SLC35F4: variants seen among roughly 807,000 people sequenced by gnomAD.
SLC35F4 encodes the protein chromosome 14 open reading frame 36.
SLC35F4 carries 24 observed loss-of-function variants against 44.2 expected under a neutral mutation model. The observed-to-expected ratio is 0.54, with a 90% CI of 0.39 to 0.76. The LOEUF (loss-of-function observed/expected upper bound fraction) is 0.76. SLC35F4 is among the 30% of genes least tolerant of loss of function. The probability of loss-of-function intolerance (pLI) is 0.00; values close to 1 mark genes in which losing one functional copy is unlikely to be tolerated. For missense variants in SLC35F4, 562 were observed against 586.1 expected (o/e 0.96, Z 0.42); for synonymous variants, 238 against 223.6 (o/e 1.06, Z -0.57).
intron 1 of SLC35F4, among the ~76,000 whole-genome samples, chr14:57,953,874 A>C (rs543808556): frequency 6.6e-6 from 1 of 152,336 alleles, no homozygotes; most frequent in South Asian, 2.1e-4. Flanking sequence ...TCAATGAGAC[A>C]GAAAATTAAC....
At chr14:57,768,749 G>GT (rs148818868) in intron 1 of SLC35F4, among the ~76,000 whole-genome samples, 5,339 of 147,086 alleles carry the variant, frequency 0.036, 134 homozygotes, top group South Asian at 0.063. Flanking sequence ...TGGGTTCTTG[G>GT]TTTTTTTTTT....
chr14:57,843,096 G>A (rs532247897), intron 1 of SLC35F4, among the ~76,000 whole-genome samples: 2 of 152,242 alleles, frequency 1.3e-5, no homozygotes, highest in African/African-American at 4.8e-5. Flanking sequence ...AGGCATTGTC[G>A]GCTTCCCTAC....
At chr14:57,873,326 T>G (rs1888333396) in intron 1 of SLC35F4, among the ~76,000 whole-genome samples, 2 of 152,216 alleles carry the variant, frequency 1.3e-5, no homozygotes, top group Admixed American at 1.3e-4. Context: ...AAGTAACATT[T>G]AAAGTCTCTA....
In SLC35F4 at chr14:57,944,751, G is replaced by GAA. The variant is rs869201293; in HGVS notation, n.282+37160_282+37161dup. On this transcript the variant is annotated intron_variant and non_coding_transcript_variant, in intron 1 of 1. Transcript: ENST00000556568. ...AGAAAGAAAGAAAGAAAGAAAGAAA[G>GAA]AAGAAAGGAAGAAAGAAAAGAAAAG... is the stretch of plus-strand genomic sequence containing the variant. Among the ~76,000 whole-genome samples the GAA allele has an allele frequency of 5.0e-4, 63 of 125,864 alleles. 1 individual carries two copies. Among genetic ancestry groups the GAA allele is most frequent in the South Asian group, 1.4e-3 (5 of 3,672 alleles). 82.6% of individuals were successfully genotyped at this position (125,864 alleles called of 152,430 possible). A position where few individuals can be genotyped will look rare whatever the true frequency, so the allele number is the denominator to read the frequency against.
chr14:57,860,971 ACT>A (rs1887630148), intron 1 of SLC35F4, among the ~76,000 whole-genome samples: 1 of 152,062 alleles, frequency 6.6e-6, no homozygotes, highest in South Asian at 2.1e-4. Flanking sequence ...ATAATCTGTA[ACT>A]CTGGTTATAT....
chr14:57,723,581 C>G (rs1306221394), intron 1 of SLC35F4, among the ~76,000 whole-genome samples: 2 of 152,216 alleles, frequency 1.3e-5, no homozygotes, highest in African/African-American at 2.4e-5. Flanking sequence ...ATTGCTTGAG[C>G]AAATTAACAC....
intron 1 of SLC35F4, among the ~76,000 whole-genome samples, chr14:57,828,263 G>A (rs920726582): frequency 2.0e-5 from 3 of 152,144 alleles, no homozygotes; most frequent in Non-Finnish European, 2.9e-5. Flanking sequence ...GTCTGGGAAA[G>A]CGATGAGGAT....
At chr14:57,723,292 T>G (rs1344997071) in intron 1 of SLC35F4, among the ~76,000 whole-genome samples, 1 of 152,126 alleles carries the variant, frequency 6.6e-6, no homozygotes, top group Non-Finnish European at 1.5e-5. Context: ...CCCTGACTGG[T>G]ATTATGGTGG....
intron 1 of SLC35F4, among the ~76,000 whole-genome samples, chr14:57,848,494 G>T (rs1047387196): frequency 5.3e-5 from 8 of 152,186 alleles, no homozygotes. Flanking sequence ...TGAGCCAAGG[G>T]AGCAGATCTT....
At chr14:57,751,827 A>T (rs1242948660) in intron 1 of SLC35F4, among the ~76,000 whole-genome samples, 1 of 152,176 alleles carries the variant, frequency 6.6e-6, no homozygotes, top group East Asian at 1.9e-4. Flanking sequence ...GAGGTATAAA[A>T]TTTGGCCTTC....
chr14:57,795,697 T>C (rs1017469370), intron 1 of SLC35F4, among the ~76,000 whole-genome samples: 10 of 152,112 alleles, frequency 6.6e-5, no homozygotes, highest in Non-Finnish European at 1.5e-4. Flanking sequence ...CCAAACAGAA[T>C]TAAATAAATG....
chr14:57,907,987 C>A (rs1889138244), intron 1 of SLC35F4, among the ~76,000 whole-genome samples: 1 of 152,068 alleles, frequency 6.6e-6, no homozygotes, highest in Admixed American at 6.5e-5. Flanking sequence ...GTTCCCCTCT[C>A]TGTGTTCATG....
intron 1 of SLC35F4, among the ~76,000 whole-genome samples, chr14:57,632,387 A>G (rs1007957365): frequency 6.6e-6 from 1 of 152,144 alleles, no homozygotes; most frequent in African/African-American, 2.4e-5. Flanking sequence ...AGGAAAAAAA[A>G]GAGTAGATGA....
At chr14:57,927,954 T>C (rs1015503439) in intron 1 of SLC35F4, among the ~76,000 whole-genome samples, 1 of 152,126 alleles carries the variant, frequency 6.6e-6, no homozygotes, top group African/African-American at 2.4e-5. Flanking sequence ...TTTCTCCTAC[T>C]TTTTTTCTGA....
chr14:57,944,614 G>C (rs1889974805), intron 1 of SLC35F4, among the ~76,000 whole-genome samples: 1 of 145,222 alleles, frequency 6.9e-6, no homozygotes, highest in African/African-American at 2.5e-5. Flanking sequence ...GAGAAAGAAA[G>C]AAGAAAAGAA....
At chr14:57,925,515 G>GAGGAAGGA (rs1555401969) in intron 1 of SLC35F4, among the ~76,000 whole-genome samples, 2 of 63,604 alleles carry the variant, frequency 3.1e-5, no homozygotes, top group Non-Finnish European at 3.2e-5. Flanking sequence ...GGGAGGGAGG[G>GAGGAAGGA]AGGGAGGGAG....
intron 1 of SLC35F4, among the ~76,000 whole-genome samples, chr14:57,790,398 G>GA (rs566171444): frequency 2.6e-4 from 39 of 152,082 alleles, no homozygotes; most frequent in African/African-American, 8.4e-4. Context: ...GCTGCAAAGA[G>GA]AAAAAAATAC....
chr14:57,949,833 T>C (rs1286704392), intron 1 of SLC35F4, among the ~76,000 whole-genome samples: 1 of 152,224 alleles, frequency 6.6e-6, no homozygotes, highest in Non-Finnish European at 1.5e-5. Context: ...TTATTTTGTT[T>C]AAGGAGGCTA....
chr14:57,872,810 A>G (rs893620204), intron 1 of SLC35F4, among the ~76,000 whole-genome samples: 1 of 152,132 alleles, frequency 6.6e-6, no homozygotes, highest in African/African-American at 2.4e-5. Flanking sequence ...ATGCTAAACT[A>G]TGGTCAGCTC....
Sources: allele counts gnomAD v4.1 joint callset (sites outside exome capture counted in the v4.1 genomes callset), GRCh38; gene constraint gnomAD v4.1.1; transcripts MANE v1.5; gene names NCBI Gene and HGNC (gene_info 2026-07-23, HGNC 2026-07-21).